C12orf54: variants seen among roughly 807,000 people sequenced by gnomAD.
C12orf54 encodes the protein uncharacterized protein C12orf54.
C12orf54 carries 24 observed loss-of-function variants against 26.4 expected under a neutral mutation model. The ratio of observed to expected loss-of-function variants is 0.91; its 90% confidence interval spans 0.66 to 1.28. C12orf54 has a LOEUF of 1.28. Ranked by LOEUF, C12orf54 falls within the 50% of genes most tolerant of loss-of-function variation. The pLI is 0.00. For synonymous variants in C12orf54, 54 were observed against 47.0 expected, an observed-to-expected ratio of 1.15 and a Z score of -0.61; for missense variants, 154 against 150.9, an observed-to-expected ratio of 1.02 and a Z score of -0.11.
the C12orf54 span, among the ~76,000 whole-genome samples, chr12:48,431,661 C>T: frequency 7.2e-5 from 11 of 152,062 alleles, no homozygotes; most frequent in East Asian, 2.1e-3. Context: ...TTATAAAAAC[C>T]TTCGAGAAAG....
chr12:48,488,140 A>G (rs933845053), intron 4 of C12orf54: 3 of 779,718 alleles, frequency 3.8e-6, no homozygotes, highest in Non-Finnish European at 7.1e-6. Context: ...GCCTGGAGAC[A>G]TTTCTACTGG....
At chr12:48,448,046 C>T in the C12orf54 span, among the ~76,000 whole-genome samples, 6 of 151,350 alleles carry the variant, frequency 4.0e-5, no homozygotes, top group Admixed American at 2.6e-4. Flanking sequence ...ACCTCAGTCC[C>T]GCAACTGAAA....
chr12:48,463,601 G>T, the C12orf54 span, among the ~76,000 whole-genome samples: 13 of 151,174 alleles, frequency 8.6e-5, no homozygotes, highest in East Asian at 1.4e-3. Context: ...AAAACCTGGA[G>T]GACACAGTAT....
chr12:48,480,188 T>A (rs1175762003), upstream of C12orf54, among the ~76,000 whole-genome samples: 1 of 152,176 alleles, frequency 6.6e-6, no homozygotes, highest in Non-Finnish European at 1.5e-5. Flanking sequence ...GTTTTGTTTG[T>A]TGTATTGTAA....
chr12:48,442,161 C>T, the C12orf54 span: 1 of 164,472 alleles, frequency 6.1e-6, no homozygotes, highest in East Asian at 1.6e-4. Context: ...TGAATGGATC[C>T]TGAATTTGGC....
the C12orf54 span, among the ~76,000 whole-genome samples, chr12:48,427,676 T>C: frequency 6.6e-6 from 1 of 152,012 alleles, no homozygotes; most frequent in African/African-American, 2.4e-5. Context: ...ATTTATAAAA[T>C]AATTACTACT....
chr12:48,486,755 C>CA (rs1347712970), intron 4 of C12orf54, 29 bp downstream of exon 4: 4 of 1,603,636 alleles, frequency 2.5e-6, no homozygotes, highest in Admixed American at 1.7e-5. Flanking sequence ...TTTTTGACAG[C>CA]ATGGCATGAG....
At chr12:48,427,706 G>T in the C12orf54 span, among the ~76,000 whole-genome samples, 1 of 152,066 alleles carries the variant, frequency 6.6e-6, no homozygotes, top group East Asian at 1.9e-4. Flanking sequence ...AAATGAGATA[G>T]TAACACAATA....
chr12:48,428,116 G>A, the C12orf54 span, among the ~76,000 whole-genome samples: 4 of 151,950 alleles, frequency 2.6e-5, no homozygotes, highest in African/African-American at 4.8e-5. Context: ...AAAATTCTTC[G>A]AACTGAATGA....
At chr12:48,473,445 T>G in the C12orf54 span, 3 of 614,324 alleles carry the variant, frequency 4.9e-6, no homozygotes, top group Non-Finnish European at 8.5e-6. Flanking sequence ...AAATTCCTTT[T>G]GTGATTTTAC....
the C12orf54 span, among the ~76,000 whole-genome samples, chr12:48,467,055 G>A: frequency 6.6e-6 from 1 of 152,114 alleles, no homozygotes; most frequent in Non-Finnish European, 1.5e-5. Flanking sequence ...TGGGAAAATG[G>A]TCTTTGCAAA....
the C12orf54 span, among the ~76,000 whole-genome samples, chr12:48,417,909 T>A: frequency 1.3e-5 from 2 of 152,240 alleles, no homozygotes; most frequent in East Asian, 1.9e-4. Flanking sequence ...ACAAACAACA[T>A]GATCTCATTA....
chr12:48,489,014 T>A, intron 5 of C12orf54, 58 bp downstream of exon 5: 2 of 1,507,230 alleles, frequency 1.3e-6, no homozygotes, highest in Non-Finnish European at 1.8e-6. Flanking sequence ...CTTGATCCCA[T>A]TTTTTTTCTT....
the C12orf54 span, among the ~76,000 whole-genome samples, chr12:48,434,409 G>C: frequency 6.6e-6 from 1 of 152,206 alleles, no homozygotes; most frequent in African/African-American, 2.4e-5. Flanking sequence ...GCTTTGAAGA[G>C]AGTAGTGGTT....
the C12orf54 span, among the ~76,000 whole-genome samples, chr12:48,446,767 G>C: frequency 3.3e-5 from 5 of 151,850 alleles, no homozygotes; most frequent in African/African-American, 1.2e-4. Flanking sequence ...TTATTATTAG[G>C]CAATCAATAA....
chr12:48,430,186 G>GA, the C12orf54 span, among the ~76,000 whole-genome samples: 8 of 152,140 alleles, frequency 5.3e-5, no homozygotes, highest in African/African-American at 1.9e-4. Flanking sequence ...CCTAAGGCAT[G>GA]AAACTATGAA....
chr12:48,469,618 TTAAAG>T, the C12orf54 span, among the ~76,000 whole-genome samples: 1 of 152,168 alleles, frequency 6.6e-6, no homozygotes, highest in African/African-American at 2.4e-5. Flanking sequence ...GATTAAGAGA[TTAAAG>T]TAAAGACAGG....
the C12orf54 span, among the ~76,000 whole-genome samples, chr12:48,470,628 G>A: frequency 6.6e-6 from 1 of 152,014 alleles, no homozygotes; most frequent in Non-Finnish European, 1.5e-5. Context: ...TCTGTTTACT[G>A]ATGGCTTCTT....
At chr12:48,444,723 G>T in the C12orf54 span, among the ~76,000 whole-genome samples, 1 of 152,104 alleles carries the variant, frequency 6.6e-6, no homozygotes, top group Non-Finnish European at 1.5e-5. Context: ...CTCTGAGAAT[G>T]CTACCACTAT....
Sources: allele counts gnomAD v4.1 joint callset (sites outside exome capture counted in the v4.1 genomes callset), GRCh38; gene constraint gnomAD v4.1.1; transcripts MANE v1.5; gene names NCBI Gene and HGNC (gene_info 2026-07-23, HGNC 2026-07-21).